The following SH3KBP1 variants were observed in gnomAD, a reference collection of about 807,000 sequenced individuals.
SH3KBP1 encodes SH3 domain-containing kinase-binding protein 1.
A neutral mutation model predicts 50.1 loss-of-function variants in SH3KBP1; 8 were observed. The ratio of observed to expected loss-of-function variants is 0.16; its 90% CI spans 0.09 to 0.29. The LOEUF is 0.29. Among genes scored for constraint, SH3KBP1 ranks in the 10% least tolerant of loss-of-function variants. The probability of loss-of-function intolerance (pLI) is 1.00; values close to 1 mark genes in which losing one functional copy is unlikely to be tolerated. For synonymous variants in SH3KBP1, 227 were observed against 218.6 expected (o/e 1.04, Z -0.34); for missense variants, 377 against 535.2 (o/e 0.70, Z 2.92).
At chrX:19,636,142 TAGAG>T (rs200616037) in intron 7 of SH3KBP1, among the ~76,000 whole-genome samples, 12 of 106,289 alleles carry the variant, frequency 1.1e-4, no homozygotes, top group Non-Finnish European at 1.6e-4. Flanking sequence ...CACACACACA[TAGAG>T]AGAGAGAGAG....
intron 1 of SH3KBP1, among the ~76,000 whole-genome samples, chrX:19,872,053 A>G (rs992267584): frequency 9.2e-6 from 1 of 108,696 alleles, no homozygotes; most frequent in Non-Finnish European, 1.9e-5. Context: ...GGAGTTCGAG[A>G]CCATCCTGGC....
At chrX:19,726,029 G>A (rs143988913) in intron 3 of SH3KBP1, among the ~76,000 whole-genome samples, 4 of 111,947 alleles carry the variant, frequency 3.6e-5, no homozygotes, top group African/African-American at 6.5e-5. Context: ...TTGGGCTTAG[G>A]GAATCGTATG....
chrX:19,782,085 T>C (rs1441166771), intron 2 of SH3KBP1, among the ~76,000 whole-genome samples: 1 of 111,771 alleles, frequency 8.9e-6, no homozygotes, highest in Non-Finnish European at 1.9e-5. Flanking sequence ...GGGTCCTTGC[T>C]GATGTAGTTA....
intron 6 of SH3KBP1, among the ~76,000 whole-genome samples, chrX:19,679,616 C>T (rs1482863945): frequency 9.0e-6 from 1 of 111,478 alleles, no homozygotes; most frequent in Non-Finnish European, 1.9e-5. Context: ...GGTTCTTCCC[C>T]ACCCCCCTTT....
At chrX:19,691,428 T>TTATATA (rs756177568) in intron 5 of SH3KBP1, among the ~76,000 whole-genome samples, 71 of 99,880 alleles carry the variant, frequency 7.1e-4, no homozygotes, top group Non-Finnish European at 1.2e-3. Context: ...ATATTCAGGT[T>TTATATA]TATATATATA....
chrX:19,875,992 T>C (rs1275180320), intron 1 of SH3KBP1, among the ~76,000 whole-genome samples: 2 of 112,109 alleles, frequency 1.8e-5, no homozygotes, highest in African/African-American at 6.5e-5. Flanking sequence ...CCTGCTTGGC[T>C]TCTATCATTT....
chrX:19,783,166 A>G (rs1276463225), intron 2 of SH3KBP1, among the ~76,000 whole-genome samples: 1 of 112,040 alleles, frequency 8.9e-6, no homozygotes, highest in African/African-American at 3.2e-5. Context: ...CTCTGGAGGC[A>G]GCTCACAACC....
intron 13 of SH3KBP1, among the ~76,000 whole-genome samples, chrX:19,567,561 T>TATATATATATATATATATA (rs2065888639): frequency 1.6e-5 from 1 of 61,453 alleles, no homozygotes; most frequent in African/African-American, 6.1e-5. Context: ...AAAAAAAATA[T>TATATATATATATATATATA]ATATATATAT....
At chrX:19,717,833 T>C (rs1408358609) in intron 3 of SH3KBP1, among the ~76,000 whole-genome samples, 3 of 111,655 alleles carry the variant, frequency 2.7e-5, no homozygotes, top group African/African-American at 9.8e-5. Context: ...AGCAGGGCTA[T>C]ATATGAACAA....
rs1487165879 is a variant in SH3KBP1, at chrX:19,542,217, G to T, written c.1624-24C>A. 4 of 1,143,515 alleles carry T rather than the reference G, an allele frequency of 3.5e-6. No individual in the cohort carries two copies. The East Asian group carries it at 9.1e-5, about 26-fold the overall frequency. 94.2% of individuals were successfully genotyped at this position (1,143,515 alleles called of 1,213,427 possible). On this transcript the variant is annotated intron_variant, in intron 15 of 17. Transcript: ENST00000397821. ...ACCTGTGACGAGGGAAGGCAGGGAG[G>T]GTTCAGGGCCGGGGATTTGTGTGCT...
intron 2 of SH3KBP1, among the ~76,000 whole-genome samples, chrX:19,808,577 C>T (rs2067119856): frequency 9.0e-6 from 1 of 111,361 alleles, no homozygotes; most frequent in African/African-American, 3.3e-5. Context: ...GGAAGAAAAG[C>T]CTGCAAAGGG....
In SH3KBP1 at chrX:19,731,907, T is replaced by C. The variant is rs983323849; in HGVS notation, c.286+14411A>G. Among the ~76,000 whole-genome samples, 127 of 111,770 alleles carry C rather than the reference T, an allele frequency of 1.1e-3. 1 individual carries two copies. The highest frequency in any genetic ancestry group is 4.1e-3 in the African/African-American group (126 of 30,805). On this transcript the variant is annotated intron_variant, in intron 3 of 17. Transcript: ENST00000397821. ...AGAATGAAATGCAGCCCCAAATATA[T>C]AAAAAAATTCATTTAAGATCAGATC...
chrX:19,853,293 T>C (rs1048774460), intron 1 of SH3KBP1, among the ~76,000 whole-genome samples: 2 of 111,124 alleles, frequency 1.8e-5, no homozygotes, highest in Non-Finnish European at 3.8e-5. Flanking sequence ...TGTGTCCAGG[T>C]AGGAGAGAAA....
rs59079416 is a variant in SH3KBP1, at chrX:19,638,408, C to CAAA, written c.803-6453_803-6451dup. Among the ~76,000 whole-genome samples the CAAA allele has an allele frequency of 9.1e-3, 382 of 41,965 alleles. 11 individuals are homozygous for CAAA. Among genetic ancestry groups the CAAA allele is most frequent in the African/African-American group, 0.029 (355 of 12,171 alleles). 36.4% of individuals were successfully genotyped at this position (41,965 alleles called of 115,157 possible). A position where few individuals can be genotyped will look rare whatever the true frequency, so the allele number is the denominator to read the frequency against. ...CTGGGCGAAAGAGCAGACTCCGTCT[C>CAAA]AAAAAAAAAAAAAAAAAAAAGGCCT... is the stretch of plus-strand genomic sequence containing the variant. On this transcript the variant is annotated intron_variant, in intron 7 of 17. Transcript: ENST00000397821.
At chrX:19,588,515 G>T (rs1393339059) in intron 12 of SH3KBP1, 128 bp downstream of exon 12, 1 of 1,209,517 alleles carries the variant, frequency 8.3e-7, no homozygotes, top group Admixed American at 2.2e-5. Context: ...GCTGGAGGAT[G>T]TAAGAGGGAA....
Position 19,760,820 on chromosome X carries a change from T to C in SH3KBP1, c.163-14379A>G, listed in dbSNP as rs181888478. 4.5e-4 allele frequency among the ~76,000 whole-genome samples: 50 copies of C among 110,893 alleles called. 1 individual carries two copies. The highest frequency in any genetic ancestry group is 4.1e-3 in the Admixed American group (43 of 10,440). On this transcript the variant is annotated intron_variant, in intron 2 of 17. Transcript: ENST00000397821. ...CATCAGTAGGAGGGAGAACCCCACC[T>C]GCCAACAGACATGGGCCAGGGGCTA...
intron 1 of SH3KBP1, among the ~76,000 whole-genome samples, chrX:19,841,719 C>A (rs957123870): frequency 1.8e-5 from 2 of 109,435 alleles, no homozygotes; most frequent in Non-Finnish European, 3.8e-5. Flanking sequence ...CTGAATTTTA[C>A]AAATGAGGAA....
intron 6 of SH3KBP1, among the ~76,000 whole-genome samples, chrX:19,673,397 AT>A (rs1407715950): frequency 8.9e-6 from 1 of 112,000 alleles, no homozygotes; most frequent in Non-Finnish European, 1.9e-5. Context: ...CTATCTATTA[AT>A]GAAGATAGTA....
Position 19,535,997 on chromosome X carries a change from G to C in SH3KBP1, c.*420C>G, listed in dbSNP as rs2064698274. The C allele has an allele frequency of 8.8e-6, 1 of 113,668 alleles. No homozygotes were observed. Among genetic ancestry groups the C allele is most frequent in the African/African-American group, 3.2e-5 (1 of 30,818 alleles). The allele number at this position is 113,668 out of a possible 1,213,427, so 9.4% of individuals were successfully genotyped here. ...GGACACTCGCTTCTGACTACGTGTA[G>C]TACAAACACTAGGGAAGTCTGTGAC... On this transcript the variant is annotated 3_prime_UTR_variant, in exon 18 of 18. Coordinates refer to ENST00000397821, the MANE Select transcript of SH3KBP1 (RefSeq NM_031892.3).
Sources: allele counts gnomAD v4.1 joint callset (sites outside exome capture counted in the v4.1 genomes callset), GRCh38; gene constraint gnomAD v4.1.1; transcripts MANE v1.5; gene names NCBI Gene and HGNC (gene_info 2026-07-23, HGNC 2026-07-21).